LRCH2: variants seen among roughly 807,000 people sequenced by gnomAD.
LRCH2 encodes leucine rich repeats and calponin homology domain containing 2.
In LRCH2, 38 loss-of-function variants were observed where a neutral mutation model predicts 68.9. The ratio of observed to expected loss-of-function variants is 0.55; its 90% CI spans 0.43 to 0.72. The LOEUF (loss-of-function observed/expected upper bound fraction) is 0.72. Among genes scored for constraint, LRCH2 ranks in the 30% least tolerant of loss-of-function variants. The pLI is 0.00. For synonymous variants in LRCH2, 191 were observed against 208.1 expected, an observed-to-expected ratio of 0.92 and a Z score of 0.71; for missense variants, 528 against 572.9, an observed-to-expected ratio of 0.92 and a Z score of 0.80.
chrX:115,150,924 A>C (rs2072427117), intron 12 of LRCH2, among the ~76,000 whole-genome samples: 1 of 111,098 alleles, frequency 9.0e-6, no homozygotes, highest in African/African-American at 3.3e-5. Context: ...GAAAAGTATA[A>C]AATACCTAGG....
At chrX:115,214,292 G>T (rs1275210295) in intron 1 of LRCH2, among the ~76,000 whole-genome samples, 2 of 112,073 alleles carry the variant, frequency 1.8e-5, no homozygotes, top group Non-Finnish European at 3.8e-5. Flanking sequence ...CTGTCTGTCG[G>T]ATGCAAGGAT....
At position 115,156,724 on chromosome X, in the gene LRCH2, A is replaced by C. The variant is rs1429921052; in HGVS notation, c.1464-57T>G. 1.6e-5 allele frequency: 12 copies of C among 737,366 alleles called. No individual in the cohort carries two copies. The Admixed American group carries it at 3.9e-4, about 24-fold the overall frequency. The allele number at this position is 737,366 out of a possible 1,213,427, so 60.8% of individuals were successfully genotyped here. A position where few individuals can be genotyped will look rare whatever the true frequency, so the allele number is the denominator to read the frequency against. On this transcript the variant is annotated intron_variant, in intron 11 of 20. Transcript: ENST00000317135. ...TCTATTAAGAATATTACATCACATG[A>C]TATAAAAAAAATCTCTAAAATAAAC...
intron 12 of LRCH2, among the ~76,000 whole-genome samples, 165 bp from the exon 13 acceptor site, chrX:115,150,235 A>C (rs186034801): frequency 2.7e-4 from 30 of 111,340 alleles, no homozygotes; most frequent in African/African-American, 9.1e-4. Context: ...AAATATATTT[A>C]AGTTTCTAAA....
At chrX:115,216,918 G>A (rs1556571728) in intron 1 of LRCH2, among the ~76,000 whole-genome samples, 1 of 111,912 alleles carries the variant, frequency 8.9e-6, no homozygotes, top group East Asian at 2.8e-4. Flanking sequence ...AAAGAAGTTT[G>A]CCCAAAACAT....
intron 1 of LRCH2, chrX:115,189,751 C>A: frequency 8.6e-7 from 1 of 1,166,662 alleles, no homozygotes; most frequent in Non-Finnish European, 1.1e-6. Context: ...CAGCGGCAGT[C>A]GCTCAAGGTT....
At chrX:115,205,320 A>T (rs904888099) in intron 1 of LRCH2, among the ~76,000 whole-genome samples, 34 of 112,002 alleles carry the variant, frequency 3.0e-4, no homozygotes, top group African/African-American at 9.7e-4. Context: ...TAATACATGG[A>T]TCACAGAATT....
chrX:115,211,572 A>T (rs1449751375), intron 1 of LRCH2, among the ~76,000 whole-genome samples: 2 of 112,217 alleles, frequency 1.8e-5, no homozygotes, highest in Non-Finnish European at 3.8e-5. Flanking sequence ...GGTAAAAAAA[A>T]TGAAAAGCTA....
At chrX:115,133,428 GT>G (rs1307143308) in intron 14 of LRCH2, among the ~76,000 whole-genome samples, 3 of 111,882 alleles carry the variant, frequency 2.7e-5, no homozygotes. Flanking sequence ...CAGAGTATCA[GT>G]TTTTTTGTTC....
chrX:115,191,135 G>C, intron 1 of LRCH2: 1 of 1,166,990 alleles, frequency 8.6e-7, no homozygotes, highest in Non-Finnish European at 1.1e-6. Flanking sequence ...GCCCACAGTG[G>C]GGGCTGCTCT....
chrX:115,190,200 C>T lies in LRCH2; in HGVS notation c.350-1830G>A, dbSNP rs1046374810. ...CGTGCCGCGACCCTGGGGATTTTGT[C>T]CCTGCGCTCAGAGACTACAGCCGCC... On this transcript the variant is annotated intron_variant, in intron 1 of 20. Transcript: ENST00000317135. 4 of 1,166,674 alleles carry T rather than the reference C, an allele frequency of 3.4e-6. No individual in the cohort carries two copies. The Admixed American group carries it at 7.7e-5, about 23-fold the overall frequency.
At chrX:115,190,399 C>T (rs1177595231) in intron 1 of LRCH2, 5 of 1,162,117 alleles carry the variant, frequency 4.3e-6, no homozygotes, top group Non-Finnish European at 4.6e-6. Context: ...GTGGGGGACA[C>T]CGCCATCTTA....
intron 3 of LRCH2, among the ~76,000 whole-genome samples, chrX:115,181,192 G>A (rs1427715623): frequency 2.7e-5 from 3 of 111,486 alleles, no homozygotes; most frequent in African/African-American, 6.5e-5. Context: ...TGTAACTAGA[G>A]GGAAATGGGC....
intron 5 of LRCH2, among the ~76,000 whole-genome samples, chrX:115,172,280 G>T (rs1213440638): frequency 1.8e-5 from 2 of 111,764 alleles, no homozygotes; most frequent in Admixed American, 9.5e-5. Context: ...CACTGCCTTA[G>T]GTTGAATCCT....
At chrX:115,158,871 G>A (rs782659421) in intron 11 of LRCH2, among the ~76,000 whole-genome samples, 1 of 111,053 alleles carries the variant, frequency 9.0e-6, no homozygotes, top group African/African-American at 3.3e-5. Flanking sequence ...TACTTATTAC[G>A]CCCCCAAAGA....
chrX:115,150,096 C>A (rs1556537925), intron 12 of LRCH2, 26 bp from the exon 13 acceptor site: 2 of 1,028,721 alleles, frequency 1.9e-6, no homozygotes, highest in South Asian at 2.4e-5. Flanking sequence ...TGCCTTAATA[C>A]GTTAAAATAT....
At chrX:115,192,690 AAAG>A (rs1239956559) in intron 1 of LRCH2, 2 of 1,126,162 alleles carry the variant, frequency 1.8e-6, no homozygotes, top group East Asian at 3.3e-5. Flanking sequence ...AAAGAAACAA[AAAG>A]AAGAACCTGT....
At chrX:115,179,805 T>TAGATATATATATAGAA in intron 3 of LRCH2, 54 bp from the exon 4 acceptor site, 1 of 501,850 alleles carries the variant, frequency 2.0e-6, no homozygotes, top group South Asian at 5.9e-5. Flanking sequence ...AATACATATA[T>TAGATATATATATAGAA]TATATATATA....
chrX:115,222,942 C>G (rs2073095043), intron 1 of LRCH2, among the ~76,000 whole-genome samples: 2 of 111,795 alleles, frequency 1.8e-5, no homozygotes, highest in Admixed American at 1.9e-4. Flanking sequence ...ACTTACTGCA[C>G]AGCTACAATA....
intron 14 of LRCH2, among the ~76,000 whole-genome samples, chrX:115,146,906 T>TACACACACAC (rs57837250): frequency 3.0e-5 from 2 of 67,574 alleles, no homozygotes; most frequent in African/African-American, 5.7e-5. Flanking sequence ...CTTACATACA[T>TACACACACAC]ACACACACAC....
Sources: allele counts gnomAD v4.1 joint callset (sites outside exome capture counted in the v4.1 genomes callset), GRCh38; gene constraint gnomAD v4.1.1; transcripts MANE v1.5; gene names NCBI Gene and HGNC (gene_info 2026-07-23, HGNC 2026-07-21).